Variants in ZDHHC21 observed in about 807,000 individuals in gnomAD.
ZDHHC21 encodes zDHHC palmitoyltransferase 21.
In ZDHHC21, 15 loss-of-function variants were observed where a neutral mutation model predicts 34.6. That is an observed-to-expected ratio of 0.43 (90% CI 0.29 to 0.67). The LOEUF (loss-of-function observed/expected upper bound fraction) is 0.67. ZDHHC21 is among the 30% of genes least tolerant of loss of function. The probability of loss-of-function intolerance (pLI) is 0.14; values close to 1 mark genes in which losing one functional copy is unlikely to be tolerated. For synonymous variants in ZDHHC21, 142 were observed against 101.8 expected (o/e 1.40, Z -2.38); for missense variants, 344 against 327.7 (o/e 1.05, Z -0.38).
the ZDHHC21 span, among the ~76,000 whole-genome samples, chr9:14,599,910 G>A: frequency 1.3e-5 from 2 of 151,882 alleles, no homozygotes; most frequent in African/African-American, 4.9e-5. Flanking sequence ...GAAACCACAT[G>A]ATTACCTCAA....
At position 14,618,753 on chromosome 9, in the gene ZDHHC21, A is replaced by T; in HGVS notation, c.*213T>A. On this transcript the variant is annotated 3_prime_UTR_variant, in exon 10 of 10. Transcript: ENST00000380916. ...GAAATCCCTGTGGAAAGCTAATTTG[A>T]AAGTAAACATGCTTTAAAACTTAAA... 2.4e-6 allele frequency: 1 copy of T among 421,214 alleles called. No individual in the cohort carries two copies. The highest frequency in any genetic ancestry group is 4.0e-6 in the Non-Finnish European group (1 of 252,418). 26.1% of individuals were successfully genotyped at this position (421,214 alleles called of 1,614,324 possible).
chr9:14,646,372 G>C (rs903240224), intron 7 of ZDHHC21, among the ~76,000 whole-genome samples: 2 of 152,092 alleles, frequency 1.3e-5, no homozygotes, highest in Non-Finnish European at 2.9e-5. Flanking sequence ...AGTTGTAACA[G>C]TGAAATACAG....
rs1002097707 is a variant in ZDHHC21, at chr9:14,611,345, C to G, written c.*7621G>C. 1.3e-5 allele frequency: 2 copies of G among 151,878 alleles called. No homozygotes were observed. Among genetic ancestry groups the G allele is most frequent in the Admixed American group, 1.3e-4 (2 of 15,206 alleles). The allele number at this position is 151,878 out of a possible 1,614,324, so 9.4% of individuals were successfully genotyped here. On this transcript the variant is annotated 3_prime_UTR_variant, in exon 10 of 10. Transcript: ENST00000380916. ...TACATGGTTCCCACTTGTCATTTCA[C>G]CCATTTTACTCACTCTTCTCAAACT... is the stretch of plus-strand genomic sequence containing the variant.
the ZDHHC21 span, among the ~76,000 whole-genome samples, chr9:14,596,897 C>CAA: frequency 6.6e-6 from 1 of 152,094 alleles, no homozygotes; most frequent in African/African-American, 2.4e-5. Flanking sequence ...AGGGCAGTGT[C>CAA]AGAGAACTTC....
At chr9:14,692,781 A>ACAGTAACAAGTGCAAAC (rs1464720466) in intron 1 of ZDHHC21, among the ~76,000 whole-genome samples, 1 of 152,070 alleles carries the variant, frequency 6.6e-6, no homozygotes. Context: ...GAAGTCTGGA[A>ACAGTAACAAGTGCAAAC]TGAATGAAAA....
intron 8 of ZDHHC21, among the ~76,000 whole-genome samples, chr9:14,622,300 T>C (rs578137268): frequency 6.6e-6 from 1 of 152,214 alleles, no homozygotes; most frequent in South Asian, 2.1e-4. Context: ...TCTAATATTT[T>C]ATCTTCTGAT....
intron 5 of ZDHHC21, among the ~76,000 whole-genome samples, chr9:14,663,042 G>C (rs62535368): frequency 6.6e-6 from 1 of 152,132 alleles, no homozygotes; most frequent in African/African-American, 2.4e-5. Flanking sequence ...AATCTGGAGT[G>C]AAACAGCACA....
chr9:14,676,769 T>C (rs1836464690), intron 3 of ZDHHC21, among the ~76,000 whole-genome samples: 1 of 151,848 alleles, frequency 6.6e-6, no homozygotes, highest in East Asian at 1.9e-4. Flanking sequence ...ATACAAATGG[T>C]AAGCTATCTA....
chr9:14,596,681 C>T, the ZDHHC21 span, among the ~76,000 whole-genome samples: 1 of 152,060 alleles, frequency 6.6e-6, no homozygotes, highest in Admixed American at 6.5e-5. Context: ...GGAAATTGCA[C>T]TGGAACTCTC....
At chr9:14,675,121 C>A (rs1309691959) in intron 3 of ZDHHC21, among the ~76,000 whole-genome samples, 1 of 151,894 alleles carries the variant, frequency 6.6e-6, no homozygotes. Flanking sequence ...GAAGAAGACT[C>A]CTGTTTAAAT....
intron 1 of ZDHHC21, among the ~76,000 whole-genome samples, chr9:14,693,020 GCC>G (rs1436419803): frequency 9.9e-5 from 15 of 152,026 alleles, no homozygotes; most frequent in African/African-American, 3.4e-4. Context: ...TCTGAAAAAG[GCC>G]AGGCCTGGGG....
chr9:14,663,641 C>T (rs1022043093), intron 5 of ZDHHC21, among the ~76,000 whole-genome samples: 4 of 150,746 alleles, frequency 2.7e-5, no homozygotes, highest in Non-Finnish European at 5.9e-5. Flanking sequence ...TATAGTAAAG[C>T]GTTGGGAAAA....
intron 2 of ZDHHC21, among the ~76,000 whole-genome samples, chr9:14,687,189 T>C (rs1299236134): frequency 6.6e-6 from 1 of 150,768 alleles, no homozygotes; most frequent in Non-Finnish European, 1.5e-5. Flanking sequence ...TAGTAGGTTA[T>C]AGCACAGGCC....
intron 7 of ZDHHC21, among the ~76,000 whole-genome samples, chr9:14,645,094 CT>C (rs1830065793): frequency 6.6e-6 from 1 of 151,954 alleles, no homozygotes; most frequent in African/African-American, 2.4e-5. Flanking sequence ...CTGACAAAAT[CT>C]TTTTTCTTAG....
At chr9:14,677,156 T>C (rs186991530) in intron 3 of ZDHHC21, among the ~76,000 whole-genome samples, 1 of 152,128 alleles carries the variant, frequency 6.6e-6, no homozygotes, top group Non-Finnish European at 1.5e-5. Context: ...AAGTATAGTT[T>C]AAAATATGTC....
the ZDHHC21 span, among the ~76,000 whole-genome samples, chr9:14,599,352 A>C: frequency 3.9e-4 from 59 of 152,088 alleles, no homozygotes; most frequent in East Asian, 0.01. Context: ...GGGTTGGAGA[A>C]CTCCCTCTCT....
Position 14,618,407 on chromosome 9 carries a change from C to T in ZDHHC21, c.*559G>A, listed in dbSNP as rs999754752. The stretch of plus-strand genomic sequence containing the variant: ...CGTAAGCAAGCCACTCCTAAGAAAC[C>T]AATGCCCGTTTTGTGTTGCTGTTGT... On this transcript the variant is annotated 3_prime_UTR_variant, in exon 10 of 10. Coordinates refer to ENST00000380916, the MANE Select transcript of ZDHHC21 (RefSeq NM_178566.6). The T allele has an allele frequency of 5.9e-5, 9 of 152,578 alleles. No homozygotes were observed. Among genetic ancestry groups the T allele is most frequent in the African/African-American group, 2.2e-4 (9 of 41,524 alleles). The allele number at this position is 152,578 out of a possible 1,614,324, so 9.5% of individuals were successfully genotyped here. A position where few individuals can be genotyped will look rare whatever the true frequency, so the allele number is the denominator to read the frequency against.
At chr9:14,679,117 T>C (rs1188865869) in intron 3 of ZDHHC21, among the ~76,000 whole-genome samples, 1 of 152,092 alleles carries the variant, frequency 6.6e-6, no homozygotes, top group Non-Finnish European at 1.5e-5. Context: ...ACACTTAAGA[T>C]TGTTGCATGT....
chr9:14,686,392 A>G (rs909142634), intron 2 of ZDHHC21, among the ~76,000 whole-genome samples: 2 of 152,180 alleles, frequency 1.3e-5, no homozygotes, highest in Admixed American at 6.5e-5. Context: ...TCTCCAAGAC[A>G]GGGAACAAAG....
Sources: allele counts gnomAD v4.1 joint callset (sites outside exome capture counted in the v4.1 genomes callset), GRCh38; gene constraint gnomAD v4.1.1; transcripts MANE v1.5; gene names NCBI Gene and HGNC (gene_info 2026-07-23, HGNC 2026-07-21).